Variants in TNNI3K observed in about 807,000 individuals in gnomAD.
TNNI3K encodes TNNI3 interacting kinase.
TNNI3K carries 140 observed loss-of-function variants against 114.5 expected under a neutral mutation model. That is an observed-to-expected ratio of 1.22 (90% confidence interval 1.07 to 1.41). The LOEUF is 1.41. TNNI3K is among the 40% of genes most tolerant of loss of function. The probability of loss-of-function intolerance (pLI) is 0.00; values close to 1 mark genes in which losing one functional copy is unlikely to be tolerated. For missense variants in TNNI3K, 1,125 were observed against 1,007.6 expected (o/e 1.12, Z -1.58); for synonymous variants, 347 against 347.5 (o/e 1.00, Z 0.02).
At chr1:74,494,464 TA>T (rs1450173971) in intron 23 of TNNI3K, among the ~76,000 whole-genome samples, 1 of 152,310 alleles carries the variant, frequency 6.6e-6, no homozygotes, top group South Asian at 2.1e-4. Context: ...CACCATTTTT[TA>T]TTGGATTTTA....
intron 5 of TNNI3K, among the ~76,000 whole-genome samples, chr1:74,302,652 T>G (rs1200862896): frequency 2.0e-5 from 3 of 152,212 alleles, no homozygotes; most frequent in African/African-American, 7.2e-5. Context: ...GTCACAACAT[T>G]ACTTTAAGCC....
intron 2 of TNNI3K, among the ~76,000 whole-genome samples, chr1:74,247,213 G>C (rs1177696420): frequency 1.3e-5 from 2 of 152,032 alleles, no homozygotes; most frequent in African/African-American, 2.4e-5. Flanking sequence ...TTTGTGGTCT[G>C]CTGGCTTCAG....
chr1:74,311,330 C>G (rs1162548868), intron 5 of TNNI3K, among the ~76,000 whole-genome samples: 2 of 151,916 alleles, frequency 1.3e-5, no homozygotes, highest in Non-Finnish European at 2.9e-5. Flanking sequence ...AGGCTTCTAG[C>G]TGTCAAGAAA....
chr1:74,261,265 TA>T (rs1363493478), intron 4 of TNNI3K, among the ~76,000 whole-genome samples: 1 of 151,256 alleles, frequency 6.6e-6, no homozygotes, highest in East Asian at 1.9e-4. Context: ...CCCCAATAAC[TA>T]AAAGCTAAGA....
chr1:74,257,121 G>A (rs1225142373), intron 4 of TNNI3K, among the ~76,000 whole-genome samples: 1 of 151,628 alleles, frequency 6.6e-6, no homozygotes, highest in African/African-American at 2.4e-5. Context: ...CTACTTATTT[G>A]AATTCAAGTT....
intron 17 of TNNI3K, among the ~76,000 whole-genome samples, chr1:74,401,585 C>T (rs1235924223): frequency 6.6e-6 from 1 of 152,116 alleles, no homozygotes; most frequent in Non-Finnish European, 1.5e-5. Flanking sequence ...TAATGAGCTA[C>T]AGAGGGAAGT....
intron 17 of TNNI3K, among the ~76,000 whole-genome samples, chr1:74,430,379 G>A (rs1273712200): frequency 1.3e-5 from 2 of 152,044 alleles, no homozygotes; most frequent in African/African-American, 4.8e-5. Context: ...TTTGTAGAAA[G>A]GAACCAGCAG....
rs1316021277 is a variant in TNNI3K at position 74,540,270 on chromosome 1, G to A, written c.2388G>A (p.Glu796=). 6.2e-7 allele frequency: 1 copy of A among 1,612,474 alleles called. No homozygotes were observed. The highest frequency in any genetic ancestry group is 8.5e-7 in the Non-Finnish European group (1 of 1,179,160). The change falls in exon 24 of 25, where the codon GAG becomes GAA. Residue 796 remains glutamate (E), a synonymous_variant. Coordinates refer to ENST00000326637, the MANE Select transcript of TNNI3K (RefSeq NM_015978.3). The part of the protein sequence containing the change: ...GQYSSQGLSL[E]EMKRSLQYTP... Reference sequence around the variant, plus strand: ...ATTCCTCTCAAGGTCTGTCTTTGGAGGAGATGAAAAGAAGTCTTCAATACA... The same window carrying A: ...ATTCCTCTCAAGGTCTGTCTTTGGAAGAGATGAAAAGAAGTCTTCAATACA...
intron 20 of TNNI3K, among the ~76,000 whole-genome samples, chr1:74,449,738 C>T (rs1178347228): frequency 6.6e-6 from 1 of 151,340 alleles, no homozygotes. Flanking sequence ...AATACAGGAG[C>T]ACCCAAATTC....
In TNNI3K at chr1:74,489,255, G is replaced by T. The variant is rs1235907515; in HGVS notation, c.2181+7G>T. 3.7e-6 allele frequency: 6 copies of T among 1,606,530 alleles called. No individual in the cohort carries two copies. Among genetic ancestry groups the T allele is most frequent in the Non-Finnish European group, 5.1e-6 (6 of 1,177,384 alleles). On this transcript the variant is annotated splice_region_variant and intron_variant, in intron 22 of 24. Coordinates refer to ENST00000326637, the MANE Select transcript of TNNI3K (RefSeq NM_015978.3). ...GTGTCTCTGCAACATTGAGGTAAAA[G>T]CTTTAGCTTCTGAAATATGTCCATA...
At chr1:74,316,799 C>T (rs1355274361) in intron 5 of TNNI3K, among the ~76,000 whole-genome samples, 2 of 151,972 alleles carry the variant, frequency 1.3e-5, no homozygotes, top group Non-Finnish European at 2.9e-5. Flanking sequence ...CCGCCATTCT[C>T]CTGCCTCAGC....
intron 5 of TNNI3K, among the ~76,000 whole-genome samples, chr1:74,318,035 G>A (rs1659414409): frequency 6.6e-6 from 1 of 152,150 alleles, no homozygotes; most frequent in African/African-American, 2.4e-5. Context: ...GCCTAGGTCT[G>A]TCTGAATTTC....
intron 4 of TNNI3K, among the ~76,000 whole-genome samples, chr1:74,269,284 CAT>C (rs2100889051): frequency 6.6e-6 from 1 of 151,952 alleles, no homozygotes; most frequent in African/African-American, 2.4e-5. Flanking sequence ...TTCACGTAAA[CAT>C]AGTAAAATAT....
intron 23 of TNNI3K, among the ~76,000 whole-genome samples, chr1:74,522,884 C>T (rs553952512): frequency 6.6e-5 from 10 of 152,144 alleles, no homozygotes; most frequent in Non-Finnish European, 1.0e-4. Context: ...TCCAGCACTG[C>T]GTGATCCAAA....
chr1:74,335,841 T>C (rs1423810435), intron 6 of TNNI3K, among the ~76,000 whole-genome samples, 170 bp from the exon 7 acceptor site: 1 of 152,054 alleles, frequency 6.6e-6, no homozygotes, highest in African/African-American at 2.4e-5. Context: ...ACTTGAGTTA[T>C]TAAGCTGTTG....
intron 17 of TNNI3K, among the ~76,000 whole-genome samples, chr1:74,425,579 A>G (rs1665598129): frequency 6.6e-6 from 1 of 152,094 alleles, no homozygotes; most frequent in South Asian, 2.1e-4. Flanking sequence ...TGTCAGGAAT[A>G]CATTTTAATT....
chr1:74,472,491 G>A (rs187488133), intron 21 of TNNI3K, among the ~76,000 whole-genome samples: 1 of 152,234 alleles, frequency 6.6e-6, no homozygotes, highest in East Asian at 1.9e-4. Flanking sequence ...TTGTTGGTTA[G>A]GTTAGCTTTA....
chr1:74,376,230 G>A (rs951161846), intron 17 of TNNI3K, among the ~76,000 whole-genome samples: 3 of 151,870 alleles, frequency 2.0e-5, no homozygotes, highest in African/African-American at 4.8e-5. Context: ...TTTGATATAT[G>A]CATTTGCCTC....
intron 24 of TNNI3K, 36 bp from the exon 25 acceptor site, chr1:74,543,870 C>T: frequency 6.2e-7 from 1 of 1,612,618 alleles, no homozygotes; most frequent in Non-Finnish European, 8.5e-7. Context: ...TACTGAAAGA[C>T]TAGTAAGTAA....
Sources: allele counts gnomAD v4.1 joint callset (sites outside exome capture counted in the v4.1 genomes callset), GRCh38; gene constraint gnomAD v4.1.1; transcripts MANE v1.5; gene names NCBI Gene and HGNC (gene_info 2026-07-23, HGNC 2026-07-21).